The following ANAPC5 variants were observed in gnomAD, a reference collection of about 807,000 sequenced individuals.
The protein encoded by ANAPC5 is anaphase promoting complex subunit 5.
In ANAPC5, 60 loss-of-function variants were observed where a neutral mutation model predicts 91.3. That is an observed-to-expected ratio of 0.66 (90% confidence interval 0.53 to 0.81). The LOEUF (loss-of-function observed/expected upper bound fraction) is 0.81. Ranked by LOEUF, ANAPC5 falls within the 40% of genes least tolerant of loss-of-function variation. The probability of loss-of-function intolerance (pLI) is 0.00; values close to 1 mark genes in which losing one functional copy is unlikely to be tolerated. For missense variants in ANAPC5, 690 were observed against 931.5 expected, an observed-to-expected ratio of 0.74 and a Z score of 3.37; for synonymous variants, 340 against 364.1, an observed-to-expected ratio of 0.93 and a Z score of 0.75.
chr12:121,352,900 C>G (rs1414879988), upstream of ANAPC5, among the ~76,000 whole-genome samples: 1 of 152,000 alleles, frequency 6.6e-6, no homozygotes, highest in African/African-American at 2.4e-5. Flanking sequence ...GCGCGCCTGG[C>G]TTGTTCATGT....
At chr12:121,340,802 C>T (rs1555274024) in intron 5 of ANAPC5, among the ~76,000 whole-genome samples, 1 of 151,790 alleles carries the variant, frequency 6.6e-6, no homozygotes, top group Non-Finnish European at 1.5e-5. Flanking sequence ...CCTTGTGATC[C>T]GCCTGCCTCA....
chr12:121,346,074 A>C (rs1555274661), intron 3 of ANAPC5, 43 bp from the exon 4 acceptor site: 2 of 1,522,618 alleles, frequency 1.3e-6, no homozygotes, highest in Admixed American at 3.9e-5. Flanking sequence ...ATTAACTGAC[A>C]TCCAGGCTAC....
chr12:121,352,175 C>T lies in ANAPC5; in HGVS notation c.166G>A (p.Glu56Lys). ...RTGEGAVSLM[E>K]RRRLNQLLLP... ...AGCAGCTGGTTGAGCCTCCGCCGCT[C>T]CATGAGGCTGACGGCGCCCTCGCCT... The change falls in exon 1 of 17, where the codon GAG becomes AAG. Residue 56 changes from glutamate to lysine, a missense_variant. Coordinates refer to ENST00000261819, the MANE Select transcript of ANAPC5 (RefSeq NM_016237.5). The T allele has an allele frequency of 1.2e-6, 2 of 1,613,052 alleles. No individual in the cohort carries two copies. Among genetic ancestry groups the T allele is most frequent in the Non-Finnish European group, 1.7e-6 (2 of 1,179,220 alleles).
chr12:121,337,088 C>T (rs1475788975), intron 6 of ANAPC5, among the ~76,000 whole-genome samples: 10 of 152,128 alleles, frequency 6.6e-5, no homozygotes, highest in Non-Finnish European at 1.2e-4. Context: ...CGTGGTGGCA[C>T]GTGCCTGTAA....
intron 7 of ANAPC5, chr12:121,333,614 A>G (rs1555273153): frequency 6.6e-6 from 1 of 152,174 alleles, no homozygotes; most frequent in African/African-American, 2.4e-5. Flanking sequence ...TATCAATCTG[A>G]TGTTTGAATA....
intron 16 of ANAPC5, 130 bp from the exon 17 acceptor site, chr12:121,308,821 G>C (rs950249799): frequency 3.7e-6 from 3 of 811,566 alleles, no homozygotes; most frequent in Non-Finnish European, 5.9e-6. Context: ...TTCTTTGAGA[G>C]AGAAAAAACA....
intron 10 of ANAPC5, chr12:121,327,978 ATGACGTGGGTTTGAG>A (rs1902887450): frequency 4.8e-6 from 1 of 208,078 alleles, no homozygotes; most frequent in South Asian, 9.3e-5. Flanking sequence ...TTGGAGTCAG[ATGACGTGGGTTTGAG>A]TCCTTTCTCT....
chr12:121,310,252 A>AAAGAG (rs113179471), intron 15 of ANAPC5: 6 of 153,280 alleles, frequency 3.9e-5, no homozygotes, highest in Non-Finnish European at 5.8e-5. Flanking sequence ...TTAAAAAAAA[A>AAAGAG]AGAGAGAATT....
In ANAPC5 at chr12:121,346,983, C is replaced by T. The variant is rs781909572; in HGVS notation, c.310G>A (p.Glu104Lys). The change falls in exon 3 of 17, where the codon GAG (glutamate) becomes AAG (lysine). Residue 104 changes from glutamate to lysine, a missense_variant. By Grantham distance (56) the Glu-to-Lys change is moderately conservative. Coordinates refer to ENST00000261819, the MANE Select transcript of ANAPC5 (RefSeq NM_016237.5). Reference protein sequence around the residue: ...QIRIKLMAEGELKDMEQFFDD... With the variant: ...QIRIKLMAEGKLKDMEQFFDD... Reference sequence around the variant, plus strand: ...AAAAACTGTTCCATATCCTTCAACTCGCCTTCAGCCATCAGTTTGATTCTG... The same window carrying T: ...AAAAACTGTTCCATATCCTTCAACTTGCCTTCAGCCATCAGTTTGATTCTG... 2.5e-6 allele frequency: 4 copies of T among 1,609,716 alleles called. No individual in the cohort carries two copies. The highest frequency in any genetic ancestry group is 1.7e-5 in the Admixed American group (1 of 58,872).
chr12:121,313,066 C>T (rs1173089207), intron 15 of ANAPC5, among the ~76,000 whole-genome samples: 1 of 152,226 alleles, frequency 6.6e-6, no homozygotes, highest in Non-Finnish European at 1.5e-5. Flanking sequence ...TGGTTCACGC[C>T]TGTAATCCCA....
At chr12:121,323,230 A>T (rs907360977) in intron 11 of ANAPC5, among the ~76,000 whole-genome samples, 64 of 152,266 alleles carry the variant, frequency 4.2e-4, no homozygotes, top group African/African-American at 1.5e-3. Flanking sequence ...TTTAAATTTA[A>T]TTTCAATGAC....
At chr12:121,328,746 G>C in intron 9 of ANAPC5, 1 of 373,006 alleles carries the variant, frequency 2.7e-6, no homozygotes, top group Non-Finnish European at 4.9e-6. Context: ...GATGGACCTG[G>C]ACTTAAACAC....
At chr12:121,343,184 A>T (rs1485956703) in intron 4 of ANAPC5, among the ~76,000 whole-genome samples, 1 of 152,178 alleles carries the variant, frequency 6.6e-6, no homozygotes, top group East Asian at 1.9e-4. Flanking sequence ...GTTAAGAGAA[A>T]ACCAACCCAA....
chr12:121,327,008 G>A (rs1902844388), intron 11 of ANAPC5, 88 bp downstream of exon 11: 42 of 1,469,412 alleles, frequency 2.9e-5, no homozygotes, highest in South Asian at 2.8e-4. Context: ...TGTCCAACAC[G>A]TGTCCAGTGC....
intron 7 of ANAPC5, chr12:121,332,739 C>A (rs1903090040): frequency 6.6e-6 from 1 of 152,112 alleles, no homozygotes; most frequent in African/African-American, 2.4e-5. Context: ...AACAAAGAAG[C>A]CTGGGCCTGA....
intron 2 of ANAPC5, chr12:121,347,268 G>T: frequency 2.4e-6 from 1 of 423,832 alleles, no homozygotes; most frequent in Non-Finnish European, 4.2e-6. Context: ...TGACTAAAAA[G>T]AGTAAGATGG....
At chr12:121,328,208 T>C in intron 10 of ANAPC5, 108 bp downstream of exon 10, 1 of 982,214 alleles carries the variant, frequency 1.0e-6, no homozygotes, top group South Asian at 1.6e-5. Context: ...AGGAACAACA[T>C]CTATCCAAGG....
At chr12:121,331,229 G>C (rs1426324799) in intron 8 of ANAPC5, 118 bp downstream of exon 8, 1 of 762,754 alleles carries the variant, frequency 1.3e-6, no homozygotes, top group Non-Finnish European at 2.1e-6. Flanking sequence ...CACCTAACTT[G>C]TTTCCTTTTG....
At chr12:121,309,955 C>G in intron 15 of ANAPC5, 92 bp from the exon 16 acceptor site, 2 of 1,283,138 alleles carry the variant, frequency 1.6e-6, no homozygotes, top group East Asian at 2.5e-5. Context: ...TCCTGAATGG[C>G]TATCTCTGGC....
Sources: allele counts gnomAD v4.1 joint callset (sites outside exome capture counted in the v4.1 genomes callset), GRCh38; gene constraint gnomAD v4.1.1; transcripts MANE v1.5; gene names NCBI Gene and HGNC (gene_info 2026-07-23, HGNC 2026-07-21).